NHLRC1: variants seen among roughly 807,000 people sequenced by gnomAD.
NHLRC1 encodes the protein NHL repeat containing E3 ubiquitin protein ligase 1.
A neutral mutation model predicts 14.6 loss-of-function variants in NHLRC1; 10 were observed. The observed-to-expected ratio is 0.69, with a 90% confidence interval of 0.42 to 1.17. The LOEUF is 1.17. Among genes scored for constraint, NHLRC1 ranks in the 50% most tolerant of loss-of-function variants. The pLI is 0.00. For missense variants in NHLRC1, 526 were observed against 522.9 expected (o/e 1.01, Z -0.06); for synonymous variants, 231 against 224.0 (o/e 1.03, Z -0.28).
At position 18,122,161 on chromosome 6, in the gene NHLRC1, C is replaced by G; in HGVS notation, c.446G>C (p.Arg149Thr). Residue 149 changes from arginine to threonine, a missense_variant, in exon 1 of 1, where the codon AGG becomes ACG. Arg to Thr is a moderately conservative substitution (Grantham distance 71). Transcript: ENST00000340650. ...GRVVVVHDGR[R>T]RVKIFDSGGG... The stretch of plus-strand genomic sequence containing the variant: ...CCCTGAGTCAAAAATCTTGACACGC[C>G]TCCTGCCGTCGTGCACCACCACGAC... 2 of 1,613,774 alleles carry G rather than the reference C, an allele frequency of 1.2e-6. No individual in the cohort carries two copies. Among genetic ancestry groups the G allele is most frequent in the Non-Finnish European group, 1.7e-6 (2 of 1,180,040 alleles).
In NHLRC1 at chr6:18,121,218, T is replaced by C. The variant is rs1783726778; in HGVS notation, c.*201A>G. 7 of 603,464 alleles carry C rather than the reference T, an allele frequency of 1.2e-5. No individual in the cohort carries two copies. The highest frequency in any genetic ancestry group is 2.0e-5 in the South Asian group (1 of 50,592). 37.4% of individuals were successfully genotyped at this position (603,464 alleles called of 1,614,324 possible). A position where few individuals can be genotyped will look rare whatever the true frequency, so the allele number is the denominator to read the frequency against. On this transcript the variant is annotated 3_prime_UTR_variant, in exon 1 of 1. Coordinates refer to ENST00000340650, the MANE Select transcript of NHLRC1 (RefSeq NM_198586.3). This position sits in a 1 kb window ranked among gnomAD's most constrained non-coding sequence, Gnocchi z 4.7. Reference sequence around the variant, plus strand: ...GGATAGTACAGATTAAATAAGCTAATATTTGCAAATTTCCTTGCACAGAGT... The same window carrying C: ...GGATAGTACAGATTAAATAAGCTAACATTTGCAAATTTCCTTGCACAGAGT...
chr6:18,122,242 C>A lies in NHLRC1; in HGVS notation c.365G>T (p.Gly122Val). ...GALTCHHTFG[G>V]WGTLVNPTGL... ...GGTGGGGTTGACCAGGGTCCCCCAG[C>A]CGCCGAAGGTGTGGTGGCAGGTGAG... is the stretch of plus-strand genomic sequence containing the variant. Residue 122 changes from glycine (G) to valine (V), a missense_variant, in exon 1 of 1, where the codon GGC (glycine) becomes GTC (valine). Coordinates refer to ENST00000340650, the MANE Select transcript of NHLRC1 (RefSeq NM_198586.3). The A allele has an allele frequency of 1.9e-6, 3 of 1,610,008 alleles. No homozygotes were observed. The highest frequency in any genetic ancestry group is 2.2e-5 in the South Asian group (2 of 91,078).
Position 18,121,656 on chromosome 6 carries a change from G to A in NHLRC1, c.951C>T (p.Pro317=). 2 of 1,614,144 alleles carry A rather than the reference G, an allele frequency of 1.2e-6. No individual in the cohort carries two copies. Among genetic ancestry groups the A allele is most frequent in the Non-Finnish European group, 1.7e-6 (2 of 1,180,042 alleles). The change falls in exon 1 of 1, where the codon CCC becomes CCT. Residue 317 remains proline (P), a synonymous_variant. Transcript: ENST00000340650. The surrounding 1 kb of genome is among the most constrained non-coding windows in gnomAD (Gnocchi z 4.7). ...VDTFGLSLYF[P]SKITASAVTF... ...TCACAGCGGAGGCAGTTATTTTGGA[G>A]GGAAAGTAGAGGCTCAGCCCAAAGG...
At position 18,120,490 on chromosome 6, in the gene NHLRC1, T is replaced by A. The variant is rs1447974408; in HGVS notation, c.*929A>T. 8.5e-5 allele frequency: 13 copies of A among 152,216 alleles called. No individual in the cohort carries two copies. The allele number at this position is 152,216 out of a possible 1,614,324, so 9.4% of individuals were successfully genotyped here. On this transcript the variant is annotated 3_prime_UTR_variant, in exon 1 of 1. Coordinates refer to ENST00000340650, the MANE Select transcript of NHLRC1 (RefSeq NM_198586.3). ...GAGAAGATATAGGCGTTAAAAGACA[T>A]GTTTACTTTTTTAATAAGCAGTTCA...
At position 18,122,582 on chromosome 6, in the gene NHLRC1, C is replaced by T. The variant is rs775532087; in HGVS notation, c.25G>A (p.Gly9Arg). The T allele has an allele frequency of 6.3e-7, 1 of 1,596,224 alleles. No homozygotes were observed. Among genetic ancestry groups the T allele is most frequent in the Admixed American group, 1.7e-5 (1 of 59,934 alleles). ...CGCATGAGCTCATGCAGCGCTGGCC[C>T]GCTCTCCGAGGCTTCGGCCGCCATG... Reference protein sequence around the residue: MAAEASESGPALHELMREA... With the variant: MAAEASESRPALHELMREA... The change falls in exon 1 of 1, where the codon GGG becomes AGG. Residue 9 changes from glycine to arginine, a missense_variant. By Grantham distance (125) the Gly-to-Arg change is moderately radical (BLOSUM62 -2). Coordinates refer to ENST00000340650, the MANE Select transcript of NHLRC1 (RefSeq NM_198586.3).
chr6:18,121,725 C>A lies in NHLRC1; in HGVS notation c.882G>T (p.Val294=), dbSNP rs1314207581. ...GCTGCATACTTGAGCTAAACACTTT[C>A]ACCCTGGTGCTGCAAACCCCAGTCC... ...ALGTGVCSTR[V]KVFSSSMQLV... The change falls in exon 1 of 1, where the codon GTG becomes GTT. Residue 294 remains valine (V), a synonymous_variant. Transcript: ENST00000340650. The surrounding 1 kb of genome is among the most constrained non-coding windows in gnomAD (Gnocchi z 4.7). The A allele has an allele frequency of 1.2e-6, 2 of 1,613,988 alleles. No individual in the cohort carries two copies. The highest frequency in any genetic ancestry group is 3.3e-5 in the Admixed American group (2 of 60,010).
rs1783747538 is a variant in NHLRC1, at chr6:18,122,160, C to T, written c.447G>A (p.Arg149=). The T allele has an allele frequency of 6.2e-7, 1 of 1,613,714 alleles. No individual in the cohort carries two copies. The highest frequency in any genetic ancestry group is 1.3e-5 in the African/African-American group (1 of 74,948). Residue 149 remains arginine (R), a synonymous_variant, in exon 1 of 1, where the codon AGG becomes AGA. Coordinates refer to ENST00000340650, the MANE Select transcript of NHLRC1 (RefSeq NM_198586.3). ...CCCCTGAGTCAAAAATCTTGACACGCCTCCTGCCGTCGTGCACCACCACGA... is the reference window on the plus strand; with the variant it reads ...CCCCTGAGTCAAAAATCTTGACACGTCTCCTGCCGTCGTGCACCACCACGA... ...GRVVVVHDGR[R]RVKIFDSGGG...
rs1242954317 is a variant in NHLRC1, at chr6:18,121,043, A to G, written c.*376T>C. On this transcript the variant is annotated 3_prime_UTR_variant, in exon 1 of 1. Transcript: ENST00000340650. This position sits in a 1 kb window ranked among gnomAD's most constrained non-coding sequence, Gnocchi z 4.7. ...AAATTAGCTGAGTGTGGTAATGCAC[A>G]CTTGTGGTCCCAGCTACTTGGGAGG... 3 of 279,850 alleles carry G rather than the reference A, an allele frequency of 1.1e-5. No individual in the cohort carries two copies. Among genetic ancestry groups the G allele is most frequent in the Non-Finnish European group, 2.1e-5 (3 of 144,534 alleles). 17.3% of individuals were successfully genotyped at this position (279,850 alleles called of 1,614,324 possible).
Position 18,122,388 on chromosome 6 carries a change from T to A in NHLRC1, c.219A>T (p.Arg73=). The A allele has an allele frequency of 6.3e-7, 1 of 1,579,520 alleles. No individual in the cohort carries two copies. Among genetic ancestry groups the A allele is most frequent in the Non-Finnish European group, 8.5e-7 (1 of 1,170,968 alleles). Residue 73 remains arginine (R), a synonymous_variant, in exon 1 of 1, where the codon CGA becomes CGT. Coordinates refer to ENST00000340650, the MANE Select transcript of NHLRC1 (RefSeq NM_198586.3). ...CGCTGGTGTCGCAGCCCCGGCAAGCTCGCCTGCAGAATGGGCACTCGAGGG... is the reference window on the plus strand; with the variant it reads ...CGCTGGTGTCGCAGCCCCGGCAAGCACGCCTGCAGAATGGGCACTCGAGGG... The part of the protein sequence containing the change: ...TLALECPFCR[R]ACRGCDTSDC...
chr6:18,122,190 C>A lies in NHLRC1; in HGVS notation c.417G>T (p.Gly139=). 2 of 1,613,678 alleles carry A rather than the reference C, an allele frequency of 1.2e-6. No individual in the cohort carries two copies. The highest frequency in any genetic ancestry group is 1.7e-6 in the Non-Finnish European group (2 of 1,180,016). ...TGCCGTCGTGCACCACCACGACACGCCCCGTCTTGGGACAAAGCGCCAGTC... is the reference window on the plus strand; with the variant it reads ...TGCCGTCGTGCACCACCACGACACGACCCGTCTTGGGACAAAGCGCCAGTC... The part of the protein sequence containing the change: ...PTGLALCPKT[G]RVVVVHDGRR... Residue 139 remains glycine (G), a synonymous_variant, in exon 1 of 1, where the codon GGG becomes GGT. Coordinates refer to ENST00000340650, the MANE Select transcript of NHLRC1 (RefSeq NM_198586.3).
In NHLRC1 at chr6:18,122,405, A is replaced by C; in HGVS notation, c.202T>G (p.Cys68Gly). The stretch of plus-strand genomic sequence containing the variant: ...CGGCAAGCTCGCCTGCAGAATGGGC[A>C]CTCGAGGGCCAGAGTGCGCGGGTGC... ...LAHPRTLALE[C>G]PFCRRACRGC... Residue 68 changes from cysteine to glycine, a missense_variant, in exon 1 of 1, where the codon TGC becomes GGC. Transcript: ENST00000340650. 6.3e-7 allele frequency: 1 copy of C among 1,585,802 alleles called. No homozygotes were observed. The highest frequency in any genetic ancestry group is 8.5e-7 in the Non-Finnish European group (1 of 1,174,248).
In NHLRC1 at chr6:18,122,337, T is replaced by C; in HGVS notation, c.270A>G (p.Ile90Met). The change falls in exon 1 of 1, where the codon ATA (isoleucine) becomes ATG (methionine). Residue 90 changes from isoleucine to methionine, a missense_variant. Physicochemically the swap from Ile to Met is conservative, Grantham distance 10. Coordinates refer to ENST00000340650, the MANE Select transcript of NHLRC1 (RefSeq NM_198586.3). ...GGCGAAGCGCTGAGCCCAGGAGCTC[T>C]ATGAGGTGCAGCACCGGCAGGCAGT... The part of the protein sequence containing the change: ...TSDCLPVLHL[I>M]ELLGSALRQS... 1 of 1,577,744 alleles carries C rather than the reference T, an allele frequency of 6.3e-7. No individual in the cohort carries two copies. Among genetic ancestry groups the C allele is most frequent in the Non-Finnish European group, 8.5e-7 (1 of 1,169,716 alleles).
In NHLRC1 at chr6:18,122,611, C is replaced by T. The variant is rs778360604; in HGVS notation, c.-5G>A. The stretch of plus-strand genomic sequence containing the variant: ...CTCCGAGGCTTCGGCCGCCATGGCG[C>T]GTCCTGTGCACTCCCGCCGCGCCGC... On this transcript the variant is annotated 5_prime_UTR_variant, in exon 1 of 1. Coordinates refer to ENST00000340650, the MANE Select transcript of NHLRC1 (RefSeq NM_198586.3). The T allele has an allele frequency of 1.1e-5, 17 of 1,591,292 alleles. 1 individual carries two copies. In the African/African-American group the frequency reaches 2.0e-4, roughly 19 times the overall value.
rs1259657472 is a variant in NHLRC1 at position 18,122,310 on chromosome 6, C to T, written c.297G>A (p.Gln99=). 6.3e-7 allele frequency: 1 copy of T among 1,586,766 alleles called. No homozygotes were observed. The highest frequency in any genetic ancestry group is 8.5e-7 in the Non-Finnish European group (1 of 1,173,844). Residue 99 remains glutamine, a synonymous_variant, in exon 1 of 1, where the codon CAG becomes CAA. Transcript: ENST00000340650. ...LIELLGSALR[Q]SPAAHRAAPS... is the part of the protein sequence containing the mutation. The stretch of plus-strand genomic sequence containing the variant: ...GGGCGGCGCGATGGGCGGCCGGGGA[C>T]TGGCGAAGCGCTGAGCCCAGGAGCT...
chr6:18,122,643 G>A lies in NHLRC1; in HGVS notation c.-37C>T, dbSNP rs1297347990. ...TGCACTCCCGCCGCGCCGCCTGGCC[G>A]TGCCCCAGCGACGCTCTCGGTCACG... On this transcript the variant is annotated 5_prime_UTR_variant, in exon 1 of 1. The change creates a new upstream start codon in the 5' untranslated region. Coordinates refer to ENST00000340650, the MANE Select transcript of NHLRC1 (RefSeq NM_198586.3). The A allele has an allele frequency of 3.2e-6, 5 of 1,552,884 alleles. No homozygotes were observed. Among genetic ancestry groups the A allele is most frequent in the East Asian group, 2.3e-5 (1 of 43,858 alleles).
chr6:18,121,600 G>T lies in NHLRC1; in HGVS notation c.1007C>A (p.Ala336Glu), dbSNP rs758056041. Residue 336 changes from alanine (A) to glutamate (E), a missense_variant, in exon 1 of 1, where the codon GCA becomes GAA. Coordinates refer to ENST00000340650, the MANE Select transcript of NHLRC1 (RefSeq NM_198586.3). This position sits in a 1 kb window ranked among gnomAD's most constrained non-coding sequence, Gnocchi z 4.7. ...AAGGATAGCTGGACCAGATGTATCTGCAACAATCACATTTCCCTGGTGATC... is the reference window on the plus strand; with the variant it reads ...AAGGATAGCTGGACCAGATGTATCTTCAACAATCACATTTCCCTGGTGATC... ...TFDHQGNVIV[A>E]DTSGPAILCL... 3 of 1,614,098 alleles carry T rather than the reference G, an allele frequency of 1.9e-6. No individual in the cohort carries two copies. The highest frequency in any genetic ancestry group is 2.2e-5 in the South Asian group (2 of 91,092).
Position 18,122,108 on chromosome 6 carries a change from T to A in NHLRC1, c.499A>T (p.Lys167Ter), listed in dbSNP as rs758394138. 1 of 1,613,908 alleles carries A rather than the reference T, an allele frequency of 6.2e-7. No homozygotes were observed. The highest frequency in any genetic ancestry group is 2.2e-5 in the East Asian group (1 of 44,856). The change falls in exon 1 of 1, where the codon AAG (lysine) becomes TAG (stop). Residue 167 changes from lysine to a stop codon, truncating the protein, a stop_gained. Transcript: ENST00000340650. LOFTEE classifies it high-confidence loss of function. ...CTAATGTCTTGGGCAGCGTCCCCCT[T>A]CTCTCCAAACTGATGCGCGCATCCT... ...GGGCAHQFGEKGDAAQDIRYP... is the reference protein window; with the variant it reads ...GGGCAHQFGE
Position 18,121,232 on chromosome 6 carries a change from C to G in NHLRC1, c.*187G>C. 1.6e-6 allele frequency: 1 copy of G among 615,622 alleles called. No individual in the cohort carries two copies. Among genetic ancestry groups the G allele is most frequent in the Non-Finnish European group, 2.9e-6 (1 of 348,660 alleles). The allele number at this position is 615,622 out of a possible 1,614,324, so 38.1% of individuals were successfully genotyped here. ...AAATAAGCTAATATTTGCAAATTTC[C>G]TTGCACAGAGTATGCATTCAATAAA... On this transcript the variant is annotated 3_prime_UTR_variant, in exon 1 of 1. Coordinates refer to ENST00000340650, the MANE Select transcript of NHLRC1 (RefSeq NM_198586.3). This position sits in a 1 kb window ranked among gnomAD's most constrained non-coding sequence, Gnocchi z 4.7.
At position 18,122,275 on chromosome 6, in the gene NHLRC1, G is replaced by A. The variant is rs10949483; in HGVS notation, c.332C>T (p.Pro111Leu). The change falls in exon 1 of 1, where the codon CCC becomes CTC. Residue 111 changes from proline (P) to leucine (L), a missense_variant. Coordinates refer to ENST00000340650, the MANE Select transcript of NHLRC1 (RefSeq NM_198586.3). ...GGTGTGGTGGCAGGTGAGGGCTCCG[G>A]GGGCGCTGGGGGCGGCGCGATGGGC... ...PAAHRAAPSA[P>L]GALTCHHTFG... The A allele has an allele frequency of 0.39, 620,987 of 1,600,126 alleles. 122,524 individuals carry two copies. Among genetic ancestry groups the A allele is most frequent in the Admixed American group, 0.49 (29,348 of 59,414 alleles).
Sources: allele counts gnomAD v4.1 joint callset, GRCh38; gene constraint gnomAD v4.1.1; non-coding constraint Gnocchi (gnomAD v3.1); transcripts MANE v1.5; gene names NCBI Gene and HGNC (gene_info 2026-07-23, HGNC 2026-07-21).